Variants in MAN1A1 observed in about 807,000 individuals in gnomAD.
MAN1A1 encodes the protein mannosidase alpha class 1A member 1, also known as mannosyl-oligosaccharide 1,2-alpha-mannosidase IA.
Under a neutral mutation model 70.8 loss-of-function variants are expected in MAN1A1, and 29 were observed. The ratio of observed to expected loss-of-function variants is 0.41; its 90% CI spans 0.31 to 0.56. The LOEUF (loss-of-function observed/expected upper bound fraction) is 0.56, where lower values mean the gene tolerates loss of function less well. Among genes scored for constraint, MAN1A1 ranks in the 20% least tolerant of loss-of-function variants. The probability of loss-of-function intolerance (pLI) is 0.29; values close to 1 mark genes in which losing one functional copy is unlikely to be tolerated. For missense variants in MAN1A1, 747 were observed against 841.3 expected (o/e 0.89, Z 1.39); for synonymous variants, 349 against 330.1 (o/e 1.06, Z -0.62).
At chr6:119,216,495 GAT>G (rs751373895) in intron 6 of MAN1A1, among the ~76,000 whole-genome samples, 3 of 152,192 alleles carry the variant, frequency 2.0e-5, no homozygotes, top group Non-Finnish European at 2.9e-5. Flanking sequence ...GGTAAGTACT[GAT>G]AGCATTTAAG....
At chr6:119,228,162 TA>T (rs1441418797) in intron 6 of MAN1A1, among the ~76,000 whole-genome samples, 2 of 152,242 alleles carry the variant, frequency 1.3e-5, no homozygotes, top group Non-Finnish European at 2.9e-5. Flanking sequence ...GAGACCCCTG[TA>T]ATACAGTTTT....
intron 9 of MAN1A1, among the ~76,000 whole-genome samples, chr6:119,191,696 G>GATA (rs1773445954): frequency 6.6e-6 from 1 of 151,888 alleles, no homozygotes; most frequent in Non-Finnish European, 1.5e-5. Context: ...CTCCAGATAG[G>GATA]GCCATGATAG....
At chr6:119,220,095 T>C (rs1774317726) in intron 6 of MAN1A1, among the ~76,000 whole-genome samples, 1 of 152,192 alleles carries the variant, frequency 6.6e-6, no homozygotes, top group Non-Finnish European at 1.5e-5. Flanking sequence ...AGAGGACTTT[T>C]ACCACAATCT....
chr6:119,222,831 G>A (rs1774401998), intron 6 of MAN1A1, among the ~76,000 whole-genome samples: 2 of 152,132 alleles, frequency 1.3e-5, no homozygotes, highest in Non-Finnish European at 2.9e-5. Flanking sequence ...AGCTTCTCTG[G>A]TGGCAGAATC....
intron 5 of MAN1A1, among the ~76,000 whole-genome samples, chr6:119,262,403 A>G (rs1775635764): frequency 6.6e-6 from 1 of 152,198 alleles, no homozygotes; most frequent in Admixed American, 6.5e-5. Context: ...CTTTAAGGAA[A>G]TAAGATTTCA....
At chr6:119,229,673 C>G (rs965555152) in intron 6 of MAN1A1, among the ~76,000 whole-genome samples, 1 of 152,130 alleles carries the variant, frequency 6.6e-6, no homozygotes, top group Non-Finnish European at 1.5e-5. Context: ...TTTCATGAAC[C>G]TTTCTCTTGG....
chr6:119,349,169 C>T lies in MAN1A1; in HGVS notation c.-104G>A. Reference sequence around the variant, plus strand: ...GGCTGGGTCCTGCGTAGCCAGGCCGCCCGACCCCCTCGGCTGGGCTGCGGA... The same window carrying T: ...GGCTGGGTCCTGCGTAGCCAGGCCGTCCGACCCCCTCGGCTGGGCTGCGGA... On this transcript the variant is annotated 5_prime_UTR_variant, in exon 2 of 13. Coordinates refer to ENST00000368468, the MANE Select transcript of MAN1A1 (RefSeq NM_005907.4). 1 of 1,229,458 alleles carries T rather than the reference C, an allele frequency of 8.1e-7. No homozygotes were observed. The highest frequency in any genetic ancestry group is 1.0e-6 in the Non-Finnish European group (1 of 987,238). The allele number at this position is 1,229,458 out of a possible 1,614,324, so 76.2% of individuals were successfully genotyped here.
chr6:119,211,796 T>C (rs1048683974), intron 6 of MAN1A1, among the ~76,000 whole-genome samples: 2 of 152,154 alleles, frequency 1.3e-5, no homozygotes, highest in African/African-American at 4.8e-5. Context: ...CTTCCTACTT[T>C]TGTGATGTTA....
intron 2 of MAN1A1, among the ~76,000 whole-genome samples, chr6:119,328,293 T>C (rs527357739): frequency 5.3e-5 from 8 of 152,334 alleles, no homozygotes; most frequent in Admixed American, 1.3e-4. Flanking sequence ...AAGTAATCAA[T>C]ATCTGCAAAG....
chr6:119,264,624 G>C (rs1172856124), intron 5 of MAN1A1, among the ~76,000 whole-genome samples: 1 of 152,152 alleles, frequency 6.6e-6, no homozygotes, highest in Admixed American at 6.5e-5. Context: ...GTTAAGTCAT[G>C]TCTCTAAGTC....
chr6:119,227,332 C>A (rs1774545713), intron 6 of MAN1A1, among the ~76,000 whole-genome samples: 1 of 152,140 alleles, frequency 6.6e-6, no homozygotes, highest in Non-Finnish European at 1.5e-5. Flanking sequence ...AGTTGTATAT[C>A]TTGATTGTGG....
chr6:119,205,012 A>G, intron 6 of MAN1A1, 130 bp from the exon 7 acceptor site: 1 of 883,292 alleles, frequency 1.1e-6, no homozygotes, highest in Non-Finnish European at 1.6e-6. Context: ...TAGATATTAT[A>G]AAACCAAGCA....
intron 4 of MAN1A1, among the ~76,000 whole-genome samples, chr6:119,291,670 A>G (rs913872192): frequency 5.9e-5 from 9 of 151,898 alleles, no homozygotes; most frequent in Non-Finnish European, 7.4e-5. Flanking sequence ...CTGGACTGCA[A>G]ATAGGATTTG....
chr6:119,180,857 T>A (rs980138900), intron 11 of MAN1A1, among the ~76,000 whole-genome samples: 4 of 152,038 alleles, frequency 2.6e-5, no homozygotes, highest in African/African-American at 9.7e-5. Flanking sequence ...AATGAAAGTT[T>A]GTTATAGAGT....
At chr6:119,268,877 G>A (rs146552436) in intron 5 of MAN1A1, among the ~76,000 whole-genome samples, 104 of 152,178 alleles carry the variant, frequency 6.8e-4, no homozygotes, top group African/African-American at 1.9e-3. Flanking sequence ...CAATGTGCCC[G>A]GCCCTCATTT....
intron 3 of MAN1A1, 67 bp downstream of exon 3, chr6:119,306,829 C>T: frequency 8.8e-7 from 1 of 1,137,482 alleles, no homozygotes; most frequent in African/African-American, 1.5e-5. Context: ...GACTTCTCCA[C>T]CATCCATAAG....
intron 7 of MAN1A1, among the ~76,000 whole-genome samples, chr6:119,204,107 G>A (rs1372442864): frequency 6.6e-6 from 1 of 152,172 alleles, no homozygotes; most frequent in Non-Finnish European, 1.5e-5. Context: ...CAGGAACGAA[G>A]AACTGACTGT....
chr6:119,193,060 G>C (rs1326646417), intron 9 of MAN1A1, among the ~76,000 whole-genome samples: 1 of 152,166 alleles, frequency 6.6e-6, no homozygotes, highest in Non-Finnish European at 1.5e-5. Flanking sequence ...AAAAGGAACA[G>C]GTGCTGATAT....
intron 6 of MAN1A1, among the ~76,000 whole-genome samples, chr6:119,221,144 T>A (rs1277330828): frequency 6.6e-6 from 1 of 152,120 alleles, no homozygotes; most frequent in Non-Finnish European, 1.5e-5. Flanking sequence ...ATAAAATAAA[T>A]TTTTCTATTT....
Sources: allele counts gnomAD v4.1 joint callset (sites outside exome capture counted in the v4.1 genomes callset), GRCh38; gene constraint gnomAD v4.1.1; transcripts MANE v1.5; gene names NCBI Gene and HGNC (gene_info 2026-07-23, HGNC 2026-07-21).